Variants in EXT2 observed in about 807,000 individuals in gnomAD.
EXT2 encodes exostosin glycosyltransferase 2.
EXT2 carries 53 observed loss-of-function variants against 81.6 expected under a neutral mutation model. The observed-to-expected ratio is 0.65, with a 90% CI of 0.52 to 0.82. The LOEUF is 0.82. EXT2 is among the 40% of genes least tolerant of loss of function. The pLI, the probability that EXT2 is intolerant of heterozygous loss-of-function variation, is 0.00. For synonymous variants in EXT2, 320 were observed against 340.0 expected, an observed-to-expected ratio of 0.94 and a Z score of 0.65; for missense variants, 774 against 910.2, an observed-to-expected ratio of 0.85 and a Z score of 1.93.
intron 10 of EXT2, among the ~76,000 whole-genome samples, chr11:44,210,120 T>C (rs1371100707): frequency 6.6e-6 from 1 of 152,252 alleles, no homozygotes; most frequent in Non-Finnish European, 1.5e-5. Context: ...ATCTACCATA[T>C]GACCAGCCAT....
intron 4 of EXT2, among the ~76,000 whole-genome samples, chr11:44,115,048 G>A (rs534181252): frequency 1.3e-5 from 2 of 152,212 alleles, no homozygotes; most frequent in South Asian, 4.1e-4. Context: ...TACCTTCTTG[G>A]CCTCTGCCCT....
intron 7 of EXT2, among the ~76,000 whole-genome samples, chr11:44,170,531 T>A (rs1955055768): frequency 6.6e-6 from 1 of 151,976 alleles, no homozygotes; most frequent in Admixed American, 6.5e-5. Context: ...AGTCGATTTT[T>A]AAAAAAAGAT....
intron 8 of EXT2, among the ~76,000 whole-genome samples, chr11:44,179,281 G>A (rs907607945): frequency 6.6e-6 from 1 of 152,220 alleles, no homozygotes; most frequent in South Asian, 2.1e-4. Flanking sequence ...ATGTGCCTGT[G>A]TAACACACAT....
At chr11:44,149,642 C>T (rs1318940039) in intron 7 of EXT2, among the ~76,000 whole-genome samples, 1 of 152,158 alleles carries the variant, frequency 6.6e-6, no homozygotes, top group African/African-American at 2.4e-5. Context: ...AGACCTCTTC[C>T]CTACATTTTT....
At chr11:44,191,335 T>C (rs1221742715) in intron 8 of EXT2, among the ~76,000 whole-genome samples, 2 of 152,250 alleles carry the variant, frequency 1.3e-5, no homozygotes, top group Non-Finnish European at 2.9e-5. Context: ...TACACACTTA[T>C]TCTTTTGGTA....
chr11:44,172,125 A>C (rs939125047), intron 8 of EXT2, among the ~76,000 whole-genome samples: 3 of 152,240 alleles, frequency 2.0e-5, no homozygotes, highest in African/African-American at 7.2e-5. Context: ...TTACTCTGCC[A>C]GGGACTGTGC....
At position 44,109,967 on chromosome 11, in the gene EXT2, C is replaced by T. The variant is rs951089086; in HGVS notation, c.626+684C>T. Among the ~76,000 whole-genome samples the T allele has an allele frequency of 7.2e-5, 11 of 152,234 alleles. No individual in the cohort carries two copies. The South Asian group carries it at 1.9e-3, about 26-fold the overall frequency. On this transcript the variant is annotated intron_variant, in intron 3 of 13. Transcript: ENST00000533608. ...CTGGTATGAGGTGCTACTTAAGGGA[C>T]CTCTCTTAGTGCTGGGTTCAAGGCT...
At chr11:44,224,859 C>A (rs1955821770) in intron 10 of EXT2, among the ~76,000 whole-genome samples, 1 of 152,136 alleles carries the variant, frequency 6.6e-6, no homozygotes, top group Non-Finnish European at 1.5e-5. Context: ...TAAGTTGAGC[C>A]TCACCAAAAT....
chr11:44,191,783 G>A (rs912124395), intron 8 of EXT2, among the ~76,000 whole-genome samples: 1 of 152,166 alleles, frequency 6.6e-6, no homozygotes, highest in Non-Finnish European at 1.5e-5. Context: ...GGGGTGGAGT[G>A]TCTGTGTGAA....
At chr11:44,227,665 G>A (rs1489873595) in intron 10 of EXT2, among the ~76,000 whole-genome samples, 3 of 152,170 alleles carry the variant, frequency 2.0e-5, no homozygotes, top group Non-Finnish European at 2.9e-5. Flanking sequence ...AATGGGACAC[G>A]ACAAAAGACC....
At chr11:44,136,403 C>T (rs1180334885) in intron 7 of EXT2, among the ~76,000 whole-genome samples, 2 of 152,244 alleles carry the variant, frequency 1.3e-5, no homozygotes, top group Non-Finnish European at 2.9e-5. Flanking sequence ...AAGCAGCACA[C>T]TCTGTTCTGC....
chr11:44,144,781 C>G (rs1279580814), intron 7 of EXT2, among the ~76,000 whole-genome samples: 1 of 152,156 alleles, frequency 6.6e-6, no homozygotes, highest in East Asian at 1.9e-4. Flanking sequence ...TGGGAGCGTT[C>G]CCTCAGAGTA....
chr11:44,176,548 C>T (rs1233247838), intron 8 of EXT2, among the ~76,000 whole-genome samples: 6 of 151,964 alleles, frequency 3.9e-5, no homozygotes, highest in African/African-American at 1.5e-4. Context: ...TGACAAGAGC[C>T]CTGATTTAAA....
intron 10 of EXT2, among the ~76,000 whole-genome samples, chr11:44,210,683 C>G (rs1955636841): frequency 6.6e-6 from 1 of 152,034 alleles, no homozygotes; most frequent in South Asian, 2.1e-4. Context: ...TTCCAAAAAG[C>G]CACAAGGACA....
intron 8 of EXT2, among the ~76,000 whole-genome samples, chr11:44,172,867 C>T (rs1390582554): frequency 2.0e-5 from 3 of 152,182 alleles, no homozygotes; most frequent in Non-Finnish European, 4.4e-5. Flanking sequence ...AGCCATTGTG[C>T]CAGGCCCCGA....
chr11:44,170,136 A>G (rs2135124390), intron 7 of EXT2, among the ~76,000 whole-genome samples: 1 of 152,330 alleles, frequency 6.6e-6, no homozygotes, highest in South Asian at 2.1e-4. Flanking sequence ...ATTGCAAAGT[A>G]TTGAAATCAC....
chr11:44,141,004 A>G (rs949137142), intron 7 of EXT2, among the ~76,000 whole-genome samples: 5 of 152,150 alleles, frequency 3.3e-5, no homozygotes, highest in Non-Finnish European at 7.3e-5. Flanking sequence ...AATAAAATAT[A>G]CTGATTCATT....
chr11:44,207,319 A>G (rs984027735), intron 10 of EXT2, among the ~76,000 whole-genome samples: 5 of 152,244 alleles, frequency 3.3e-5, no homozygotes, highest in African/African-American at 4.8e-5. Flanking sequence ...AAAAACATCA[A>G]TAAGTGAAGA....
At chr11:44,099,693 A>G (rs1953955253) in intron 1 of EXT2, among the ~76,000 whole-genome samples, 1 of 152,216 alleles carries the variant, frequency 6.6e-6, no homozygotes. Context: ...ATTACAGGAA[A>G]AATCACAACC....
Sources: allele counts gnomAD v4.1 joint callset (sites outside exome capture counted in the v4.1 genomes callset), GRCh38; gene constraint gnomAD v4.1.1; transcripts MANE v1.5; gene names NCBI Gene and HGNC (gene_info 2026-07-23, HGNC 2026-07-21).